The following TFDP1 variants were observed in gnomAD, a reference collection of about 807,000 sequenced individuals.
TFDP1 encodes the protein DRTF1-polypeptide 1.
Under a neutral mutation model 48.0 loss-of-function variants are expected in TFDP1, and 6 were observed. That is an observed-to-expected ratio of 0.13 (90% CI 0.07 to 0.25). The LOEUF (loss-of-function observed/expected upper bound fraction) is 0.25, where lower values mean the gene tolerates loss of function less well. Among genes scored for constraint, TFDP1 ranks in the 10% least tolerant of loss-of-function variants. The pLI, the probability that TFDP1 is intolerant of heterozygous loss-of-function variation, is 1.00. For missense variants in TFDP1, 335 were observed against 543.0 expected (o/e 0.62, Z 3.81); for synonymous variants, 201 against 211.6 (o/e 0.95, Z 0.44).
chr13:113,610,839 C>T (rs2048692781), intron 2 of TFDP1, among the ~76,000 whole-genome samples, 157 bp from the exon 3 acceptor site: 1 of 152,216 alleles, frequency 6.6e-6, no homozygotes, highest in South Asian at 2.1e-4. Flanking sequence ...CCGGACCTGG[C>T]GTTCTCCTGG....
At chr13:113,625,948 T>C (rs2049160936) in intron 4 of TFDP1, among the ~76,000 whole-genome samples, 1 of 141,870 alleles carries the variant, frequency 7.0e-6, no homozygotes, top group Non-Finnish European at 1.5e-5. Context: ...CTCAGGCGTC[T>C]CTCACGTGTC....
chr13:113,613,834 A>G (rs971797893), intron 3 of TFDP1, among the ~76,000 whole-genome samples: 1 of 149,890 alleles, frequency 6.7e-6, no homozygotes, highest in Non-Finnish European at 1.5e-5. Context: ...TGGGTTGCAT[A>G]TGTGTTGAGT....
chr13:113,602,751 G>T (rs2048470258), intron 2 of TFDP1, among the ~76,000 whole-genome samples: 1 of 152,122 alleles, frequency 6.6e-6, no homozygotes, highest in Admixed American at 6.5e-5. Flanking sequence ...GAAGTGTGCG[G>T]CCCTGGCGTC....
chr13:113,587,580 GT>G (rs748722604), intron 2 of TFDP1, among the ~76,000 whole-genome samples: 1 of 150,782 alleles, frequency 6.6e-6, no homozygotes, highest in Non-Finnish European at 1.5e-5. Flanking sequence ...TGTCTCCTGG[GT>G]TTAAGCAATC....
intron 3 of TFDP1, among the ~76,000 whole-genome samples, chr13:113,617,118 G>A (rs920296041): frequency 2.0e-5 from 3 of 152,166 alleles, no homozygotes; most frequent in Non-Finnish European, 2.9e-5. Flanking sequence ...TCTCAGGAGC[G>A]GGTCCTGCTG....
chr13:113,597,773 G>A (rs1374054770), intron 2 of TFDP1, among the ~76,000 whole-genome samples: 1 of 152,248 alleles, frequency 6.6e-6, no homozygotes, highest in East Asian at 1.9e-4. Context: ...CTGGAGGGAC[G>A]GCCATTGCCG....
At chr13:113,625,724 AGGCGTCTCTC>A (rs2049144293) in intron 4 of TFDP1, among the ~76,000 whole-genome samples, 1 of 57,036 alleles carries the variant, frequency 1.8e-5, no homozygotes, top group Non-Finnish European at 3.5e-5. Context: ...ACATGTCTTC[AGGCGTCTCTC>A]ACGTGTCCTC....
At chr13:113,591,462 C>T (rs1477698276) in intron 2 of TFDP1, among the ~76,000 whole-genome samples, 4 of 152,026 alleles carry the variant, frequency 2.6e-5, no homozygotes, top group Non-Finnish European at 5.9e-5. Context: ...ACATAATCAG[C>T]TCTTTGTTAG....
At chr13:113,640,056 T>A (rs1173185104) in intron 11 of TFDP1, 64 bp from the exon 12 acceptor site, 19 of 1,253,582 alleles carry the variant, frequency 1.5e-5, no homozygotes, top group Non-Finnish European at 2.1e-5. Flanking sequence ...CCACAAGCCC[T>A]GAGGCGGGGG....
intron 2 of TFDP1, among the ~76,000 whole-genome samples, chr13:113,595,816 C>T (rs1419567556): frequency 2.8e-4 from 42 of 152,262 alleles, no homozygotes; most frequent in Non-Finnish European, 7.3e-5. Context: ...GGTGCGGTGG[C>T]TCACGCCTGT....
chr13:113,623,272 A>G lies in TFDP1; in HGVS notation c.172A>G (p.Ile58Val), dbSNP rs1487676115. The part of the protein sequence containing the change: ...PKTFGQSNVN[I>V]AQQVVIGTPQ... ...AACCTTTGGACAGTCCAATGTCAAC[A>G]TTGCCCAGCAAGTGGTAAGCCTCCC... The change falls in exon 4 of 12, where the codon ATT becomes GTT. Residue 58 changes from isoleucine to valine, a missense_variant. Around this residue, in one of 3 missense-constraint regions of TFDP1, gnomAD observed 103 missense variants for 140.4 expected, o/e 0.73. Coordinates refer to ENST00000375370, the MANE Select transcript of TFDP1 (RefSeq NM_007111.5). This position sits in a 1 kb window ranked among gnomAD's most constrained non-coding sequence, Gnocchi z 5.2. 2.5e-6 allele frequency: 4 copies of G among 1,611,278 alleles called. No individual in the cohort carries two copies. Among genetic ancestry groups the G allele is most frequent in the Non-Finnish European group, 3.4e-6 (4 of 1,178,982 alleles).
At chr13:113,630,875 G>T (rs1282119118) in intron 4 of TFDP1, among the ~76,000 whole-genome samples, 1 of 145,754 alleles carries the variant, frequency 6.9e-6, no homozygotes, top group Non-Finnish European at 1.5e-5. Context: ...GGGGCGGGTG[G>T]GTCAGTGTCC....
At position 113,598,863 on chromosome 13, in the gene TFDP1, C is replaced by T. The variant is rs947049317; in HGVS notation, c.13-12133C>T. 3.9e-5 allele frequency among the ~76,000 whole-genome samples: 6 copies of T among 152,206 alleles called. No homozygotes were observed. The highest frequency in any genetic ancestry group is 1.4e-4 in the African/African-American group (6 of 41,438). On this transcript the variant is annotated intron_variant, in intron 2 of 11. Transcript: ENST00000375370. This position sits in a 1 kb window ranked among gnomAD's most constrained non-coding sequence, Gnocchi z 4.2. ...ACCACCCTCGCCTGCAGCTCATCAC[C>T]TCTGGATGGATCTTGTTAGGTGTGT...
intron 2 of TFDP1, among the ~76,000 whole-genome samples, chr13:113,604,652 G>GGTGA (rs10659711): frequency 6.6e-6 from 1 of 152,208 alleles, no homozygotes; most frequent in African/African-American, 2.4e-5. Context: ...GACCTCGGCT[G>GGTGA]TCCTGTTAAC....
chr13:113,609,122 G>A (rs1027773085), intron 2 of TFDP1, among the ~76,000 whole-genome samples: 8 of 152,268 alleles, frequency 5.3e-5, no homozygotes, highest in Non-Finnish European at 1.0e-4. Context: ...TGCCGGTGCT[G>A]TGTCAGGTGT....
chr13:113,585,609 A>G, intron 1 of TFDP1, 165 bp from the exon 2 acceptor site: 1 of 446,514 alleles, frequency 2.2e-6, no homozygotes, highest in South Asian at 3.8e-5. Flanking sequence ...AGGCGACTGA[A>G]AATCCTGAGT....
chr13:113,615,027 C>G (rs905263572), intron 3 of TFDP1, among the ~76,000 whole-genome samples: 1 of 152,188 alleles, frequency 6.6e-6, no homozygotes, highest in African/African-American at 2.4e-5. Flanking sequence ...ACACGTAAAA[C>G]TGACTGTCAC....
chr13:113,625,371 GTC>G (rs1355345783), intron 4 of TFDP1, among the ~76,000 whole-genome samples: 11 of 113,410 alleles, frequency 9.7e-5, no homozygotes, highest in African/African-American at 2.5e-4. Flanking sequence ...GTCCTCAGGC[GTC>G]TCTCACGTGT....
At chr13:113,619,953 C>T in intron 3 of TFDP1, among the ~76,000 whole-genome samples, 1 of 152,156 alleles carries the variant, frequency 6.6e-6, no homozygotes, top group African/African-American at 2.4e-5. Flanking sequence ...TGGGGAAGCT[C>T]AGGGGCCCTG....
Sources: gnomAD v4.1 joint callset for allele counts (sites outside exome capture counted in the v4.1 genomes callset) on GRCh38, gnomAD v4.1.1 for gene constraint, gnomAD v4.1.1 regional missense constraint, Gnocchi (gnomAD v3.1) non-coding constraint, MANE v1.5 for transcripts, NCBI Gene and HGNC (gene_info 2026-07-23, HGNC 2026-07-21) for gene names.